The following RIT2 variants were observed in gnomAD, a reference collection of about 807,000 sequenced individuals.
RIT2 encodes the protein GTP-binding protein Rit2.
Under a neutral mutation model 23.7 loss-of-function variants are expected in RIT2, and 24 were observed. That is an observed-to-expected ratio of 1.01 (90% CI 0.73 to 1.43). RIT2 has a LOEUF of 1.43. Ranked by LOEUF, RIT2 falls within the 40% of genes most tolerant of loss-of-function variation. The pLI, the probability that RIT2 is intolerant of heterozygous loss-of-function variation, is 0.00. For missense variants in RIT2, 236 were observed against 266.9 expected (o/e 0.88, Z 0.81); for synonymous variants, 107 against 91.1 (o/e 1.17, Z -0.99).
intron 1 of RIT2, among the ~76,000 whole-genome samples, chr18:43,094,903 A>G (rs1002573334): frequency 2.0e-5 from 3 of 150,602 alleles, no homozygotes; most frequent in Non-Finnish European, 4.4e-5. Context: ...TTTTTTTTTT[A>G]TGGCTGCATA....
chr18:42,754,314 A>T (rs1392753240), intron 4 of RIT2, among the ~76,000 whole-genome samples: 1 of 152,144 alleles, frequency 6.6e-6, no homozygotes, highest in African/African-American at 2.4e-5. Context: ...CTGGGTTCTT[A>T]GACTGGTAAG....
chr18:43,048,085 C>G (rs149854270), intron 1 of RIT2, among the ~76,000 whole-genome samples: 4 of 152,276 alleles, frequency 2.6e-5, no homozygotes, highest in Non-Finnish European at 4.4e-5. Flanking sequence ...TATACTGTCA[C>G]AATGTGTGTT....
At chr18:43,079,780 C>T (rs576293871) in intron 1 of RIT2, among the ~76,000 whole-genome samples, 27 of 152,316 alleles carry the variant, frequency 1.8e-4, no homozygotes, top group African/African-American at 6.3e-4. Context: ...ATCAGACTCA[C>T]TGTCGGTCAG....
At chr18:42,913,246 T>C (rs1908818211) in intron 4 of RIT2, among the ~76,000 whole-genome samples, 1 of 147,848 alleles carries the variant, frequency 6.8e-6, no homozygotes, top group Admixed American at 6.7e-5. Flanking sequence ...GAATGGATAA[T>C]TGATATAAAT....
At chr18:43,015,610 C>T (rs1911456187) in intron 2 of RIT2, among the ~76,000 whole-genome samples, 2 of 151,636 alleles carry the variant, frequency 1.3e-5, no homozygotes, top group South Asian at 2.1e-4. Flanking sequence ...AACCTTCATG[C>T]TTACTTGACT....
chr18:42,895,385 C>T (rs924514040), intron 4 of RIT2, among the ~76,000 whole-genome samples: 5 of 152,174 alleles, frequency 3.3e-5, no homozygotes, highest in African/African-American at 9.7e-5. Flanking sequence ...GACCAGAATT[C>T]TCTGAAAATG....
At chr18:43,032,446 G>T (rs968539501) in intron 2 of RIT2, among the ~76,000 whole-genome samples, 1 of 151,886 alleles carries the variant, frequency 6.6e-6, no homozygotes, top group Non-Finnish European at 1.5e-5. Flanking sequence ...TTATATTATT[G>T]AATTTTCCAA....
At chr18:42,966,706 G>A (rs1426225249) in intron 3 of RIT2, among the ~76,000 whole-genome samples, 1 of 152,042 alleles carries the variant, frequency 6.6e-6, no homozygotes, top group Non-Finnish European at 1.5e-5. Context: ...AGTTCTCCAA[G>A]GTCAGGGAAT....
chr18:42,806,027 G>A (rs1905672747), intron 4 of RIT2, among the ~76,000 whole-genome samples: 1 of 150,818 alleles, frequency 6.6e-6, no homozygotes, highest in East Asian at 1.9e-4. Flanking sequence ...TCACAAAAGT[G>A]TTTTAGGTTC....
intron 4 of RIT2, among the ~76,000 whole-genome samples, chr18:42,832,154 C>G (rs2144010196): frequency 6.6e-6 from 1 of 152,226 alleles, no homozygotes; most frequent in South Asian, 2.1e-4. Flanking sequence ...ACAAATGAAG[C>G]AGCAAGGAGG....
rs553668036 is a variant in RIT2 at position 42,796,313 on chromosome 18, C to A, written c.427-52593G>T. 1.2e-4 allele frequency among the ~76,000 whole-genome samples: 19 copies of A among 152,154 alleles called. No individual in the cohort carries two copies. The East Asian group carries it at 3.7e-3, about 30-fold the overall frequency. ...GTCTGTGGCTTCACTCCTGAGCCAGCGAGACCACGAACCCACCAGAAGGAA... is the reference window on the plus strand; with the variant it reads ...GTCTGTGGCTTCACTCCTGAGCCAGAGAGACCACGAACCCACCAGAAGGAA... On this transcript the variant is annotated intron_variant, in intron 4 of 4. Transcript: ENST00000326695.
intron 1 of RIT2, among the ~76,000 whole-genome samples, chr18:43,079,706 T>C (rs1307977232): frequency 2.0e-5 from 3 of 152,222 alleles, no homozygotes; most frequent in African/African-American, 4.8e-5. Flanking sequence ...GTCAGCAATA[T>C]GTCTAAGCAA....
chr18:42,837,153 C>CTTT (rs570701535), intron 4 of RIT2, among the ~76,000 whole-genome samples: 1,607 of 51,628 alleles, frequency 0.031, 345 homozygotes, highest in African/African-American at 0.048. Flanking sequence ...TTTTCTTTTT[C>CTTT]TTTTTTTTTT....
At chr18:42,951,288 G>A (rs555157064) in intron 3 of RIT2, among the ~76,000 whole-genome samples, 1 of 152,172 alleles carries the variant, frequency 6.6e-6, no homozygotes, top group Non-Finnish European at 1.5e-5. Flanking sequence ...CAAAAAGGGT[G>A]CAGCTGGAGG....
chr18:42,910,791 A>C (rs1484736885), intron 4 of RIT2, among the ~76,000 whole-genome samples: 1 of 152,162 alleles, frequency 6.6e-6, no homozygotes, highest in African/African-American at 2.4e-5. Flanking sequence ...GTTTGGACCA[A>C]ACAACGGAAC....
intron 4 of RIT2, among the ~76,000 whole-genome samples, chr18:42,856,721 G>C (rs949999691): frequency 3.3e-5 from 5 of 151,646 alleles, no homozygotes; most frequent in African/African-American, 9.7e-5. Context: ...GAAGGGATTA[G>C]ACTAAAAGAG....
intron 3 of RIT2, among the ~76,000 whole-genome samples, chr18:42,968,100 TG>T (rs1448175792): frequency 6.6e-6 from 1 of 152,198 alleles, no homozygotes; most frequent in African/African-American, 2.4e-5. Flanking sequence ...TCTTGACATT[TG>T]CTTGGGCTAC....
chr18:42,807,247 T>C (rs953818803), intron 4 of RIT2, among the ~76,000 whole-genome samples: 1 of 152,196 alleles, frequency 6.6e-6, no homozygotes, highest in African/African-American at 2.4e-5. Flanking sequence ...GTTTTCTTGG[T>C]GAATAGGTCA....
chr18:43,056,151 C>T (rs757023506), intron 1 of RIT2, among the ~76,000 whole-genome samples: 6 of 152,000 alleles, frequency 3.9e-5, no homozygotes, highest in Non-Finnish European at 5.9e-5. Flanking sequence ...CAACAGTTGT[C>T]TCTTATTATT....
Sources: gnomAD v4.1 joint callset for allele counts (sites outside exome capture counted in the v4.1 genomes callset) on GRCh38, gnomAD v4.1.1 for gene constraint, MANE v1.5 for transcripts, NCBI Gene and HGNC (gene_info 2026-07-23, HGNC 2026-07-21) for gene names.